Variants in BPIFA1 observed in about 807,000 individuals in gnomAD.
The protein encoded by BPIFA1 is BPI fold-containing family A member 1.
A neutral mutation model predicts 25.1 loss-of-function variants in BPIFA1; 24 were observed. The observed-to-expected ratio is 0.96, with a 90% confidence interval of 0.69 to 1.35. BPIFA1 has a LOEUF of 1.35. Ranked by LOEUF, BPIFA1 falls within the 40% of genes most tolerant of loss-of-function variation. The probability of loss-of-function intolerance (pLI) is 0.00; values close to 1 mark genes in which losing one functional copy is unlikely to be tolerated. For missense variants in BPIFA1, 344 were observed against 303.7 expected (o/e 1.13, Z -0.99); for synonymous variants, 139 against 131.8 (o/e 1.05, Z -0.37).
At chr20:33,240,163 C>T (rs1450274819) in intron 4 of BPIFA1, 70 bp from the exon 5 acceptor site, 12 of 1,577,554 alleles carry the variant, frequency 7.6e-6, no homozygotes, top group Admixed American at 1.8e-5. Context: ...GCATTCTTGG[C>T]AAGGAGAAAA....
Position 33,242,072 on chromosome 20 carries a change from A to T in BPIFA1, c.683A>T (p.Asn228Ile), listed in dbSNP as rs747129294. The change falls in exon 7 of 9, where the codon AAT becomes ATT. Residue 228 changes from asparagine to isoleucine, a missense_variant. Physicochemically the swap from Asn to Ile is moderately radical, Grantham distance 149 (BLOSUM62 -3). Transcript: ENST00000354297. ...CCTGGCCAGGTGTGCCCTCTGGTCA[A>T]TGAGGTTCTCAGAGGCTTGGACATC... ...LVQGNVCPLV[N>I]EVLRGLDITL... 1 of 1,614,026 alleles carries T rather than the reference A, an allele frequency of 6.2e-7. No individual in the cohort carries two copies. The highest frequency in any genetic ancestry group is 1.3e-5 in the African/African-American group (1 of 74,926).
At chr20:33,236,461 C>T (rs532189755) in intron 1 of BPIFA1, among the ~76,000 whole-genome samples, 1 of 152,274 alleles carries the variant, frequency 6.6e-6, no homozygotes, top group African/African-American at 2.4e-5. Flanking sequence ...GTCAAAGTTA[C>T]CTCCCTAAGA....
chr20:33,240,944 G>T (rs751557078), intron 5 of BPIFA1, among the ~76,000 whole-genome samples: 7 of 152,178 alleles, frequency 4.6e-5, no homozygotes, highest in African/African-American at 1.7e-4. Flanking sequence ...TAAAATAGAC[G>T]TGGATCCTAA....
intron 1 of BPIFA1, among the ~76,000 whole-genome samples, chr20:33,236,553 A>G (rs1165475707): frequency 6.6e-6 from 1 of 152,188 alleles, no homozygotes; most frequent in African/African-American, 2.4e-5. Flanking sequence ...TGAGTCAGCC[A>G]ATAGATGGAA....
intron 4 of BPIFA1, 122 bp downstream of exon 4, chr20:33,240,032 G>T: frequency 7.5e-7 from 1 of 1,329,312 alleles, no homozygotes. Flanking sequence ...CAGCTCATTT[G>T]CTGCTATGCT....
In BPIFA1 at chr20:33,237,840, T is replaced by A; in HGVS notation, c.129T>A (p.Ser43Arg). ...PLNVNPALPL[S>R]PTGLAGSLTN... ...ATGTGAATCCAGCCCTGCCCTTGAG[T>A]CCCACAGGTCTTGCAGGAAGCTTGA... Residue 43 changes from serine (S) to arginine (R), a missense_variant, in exon 2 of 9, where the codon AGT becomes AGA. Physicochemically the swap from Ser to Arg is moderately radical, Grantham distance 110. Transcript: ENST00000354297. The A allele has an allele frequency of 6.3e-7, 1 of 1,591,098 alleles. No homozygotes were observed. Among genetic ancestry groups the A allele is most frequent in the Non-Finnish European group, 8.5e-7 (1 of 1,169,968 alleles).
rs1978976761 is a variant in BPIFA1 at position 33,241,478 on chromosome 20, G to C, written c.666+9G>C. 6.2e-7 allele frequency: 1 copy of C among 1,604,838 alleles called. No homozygotes were observed. Among genetic ancestry groups the C allele is most frequent in the Non-Finnish European group, 8.5e-7 (1 of 1,171,488 alleles). ...AGTTGGTTCAGGGCAACGTAAGTAG[G>C]CAAGGTGGGGATCCCCTGATCCTCA... is the stretch of plus-strand genomic sequence containing the variant. On this transcript the variant is annotated intron_variant, in intron 6 of 8. Transcript: ENST00000354297.
At chr20:33,238,495 CAAATGGGA>C (rs1288366667) in intron 3 of BPIFA1, among the ~76,000 whole-genome samples, 4 of 152,212 alleles carry the variant, frequency 2.6e-5, no homozygotes, top group Non-Finnish European at 5.9e-5. Flanking sequence ...CTCCAGTTTG[CAAATGGGA>C]AAACCAAAGC....
chr20:33,238,005 A>T, intron 2 of BPIFA1, 50 bp from the exon 3 acceptor site: 1 of 1,574,958 alleles, frequency 6.3e-7, no homozygotes, highest in Non-Finnish European at 8.6e-7. Flanking sequence ...GGGCCTGAGG[A>T]TCTGGAATTG....
intron 6 of BPIFA1, 133 bp from the exon 7 acceptor site, chr20:33,241,923 A>G: frequency 1.3e-6 from 1 of 793,742 alleles, no homozygotes; most frequent in Non-Finnish European, 2.1e-6. Context: ...ATGTGTGACC[A>G]TTGATCTGTG....
chr20:33,240,217 G>T lies in BPIFA1; in HGVS notation c.429-16G>T, dbSNP rs199546201. Reference sequence around the variant, plus strand: ...TGTGGTGGAGCTAGATACCAGTGGGGCTGTCTCCTTTGCAGGCCCCTGGTC... The same window carrying T: ...TGTGGTGGAGCTAGATACCAGTGGGTCTGTCTCCTTTGCAGGCCCCTGGTC... On this transcript the variant is annotated splice_polypyrimidine_tract_variant and intron_variant, in intron 4 of 8. Transcript: ENST00000354297. 21 of 1,612,650 alleles carry T rather than the reference G, an allele frequency of 1.3e-5. No homozygotes were observed. In the Admixed American group the frequency reaches 2.8e-4, roughly 22 times the overall value.
At chr20:33,241,995 C>T in intron 6 of BPIFA1, 61 bp from the exon 7 acceptor site, 1 of 1,461,658 alleles carries the variant, frequency 6.8e-7, no homozygotes, top group Non-Finnish European at 9.6e-7. Flanking sequence ...AGAACCCCCA[C>T]TAGGGATTCT....
At chr20:33,241,555 G>A (rs1978981287) in intron 6 of BPIFA1, 86 bp downstream of exon 6, 3 of 1,157,300 alleles carry the variant, frequency 2.6e-6, no homozygotes, top group Non-Finnish European at 3.9e-6. Context: ...GTGGGTCCGA[G>A]TCCCTCAATT....
chr20:33,237,444 C>A (rs1316072431), intron 1 of BPIFA1, among the ~76,000 whole-genome samples: 1 of 152,162 alleles, frequency 6.6e-6, no homozygotes, highest in Non-Finnish European at 1.5e-5. Context: ...TTTTAGGCCC[C>A]TGATCAGTGG....
chr20:33,237,113 T>C (rs1406092929), intron 1 of BPIFA1, among the ~76,000 whole-genome samples: 3 of 152,168 alleles, frequency 2.0e-5, no homozygotes, highest in Non-Finnish European at 2.9e-5. Flanking sequence ...GCAAGCCCGA[T>C]TGGAGAATAA....
intron 1 of BPIFA1, 67 bp downstream of exon 1, chr20:33,236,117 G>A (rs1222801009): frequency 6.6e-6 from 1 of 152,172 alleles, no homozygotes; most frequent in Admixed American, 6.5e-5. Flanking sequence ...CTCCTGCCCT[G>A]TGGGGCAGTG....
chr20:33,242,217 C>G, intron 7 of BPIFA1, 98 bp downstream of exon 7: 1 of 1,250,098 alleles, frequency 8.0e-7, no homozygotes, highest in Non-Finnish European at 1.2e-6. Context: ...CTAGGTCCCT[C>G]TGGCCTCAAC....
At chr20:33,236,532 G>A (rs1186088946) in intron 1 of BPIFA1, among the ~76,000 whole-genome samples, 1 of 152,134 alleles carries the variant, frequency 6.6e-6, no homozygotes. Flanking sequence ...CCACAAGGAT[G>A]GAGCTTTAGC....
chr20:33,240,165 A>G, intron 4 of BPIFA1, 68 bp from the exon 5 acceptor site: 1 of 1,580,498 alleles, frequency 6.3e-7, no homozygotes, highest in Non-Finnish European at 8.6e-7. Flanking sequence ...ATTCTTGGCA[A>G]GGAGAAAATA....
Sources: gnomAD v4.1 joint callset for allele counts (sites outside exome capture counted in the v4.1 genomes callset) on GRCh38, gnomAD v4.1.1 for gene constraint, MANE v1.5 for transcripts, NCBI Gene and HGNC (gene_info 2026-07-23, HGNC 2026-07-21) for gene names.